The following TPR variants were observed in gnomAD, a reference collection of about 807,000 sequenced individuals.
TPR encodes the protein translocated promoter region, nuclear basket protein.
A neutral mutation model predicts 316.1 loss-of-function variants in TPR; 51 were observed. The ratio of observed to expected loss-of-function variants is 0.16; its 90% CI spans 0.13 to 0.20. The LOEUF (loss-of-function observed/expected upper bound fraction) is 0.20. Among genes scored for constraint, TPR ranks in the 10% least tolerant of loss-of-function variants. The pLI is 1.00. For synonymous variants in TPR, 981 were observed against 914.7 expected (o/e 1.07, Z -1.31); for missense variants, 2,272 against 2,754.8 (o/e 0.82, Z 3.92).
Position 186,364,363 on chromosome 1 carries a change from C to T in TPR, c.428-918G>A, listed in dbSNP as rs75960557. Among the ~76,000 whole-genome samples the T allele has an allele frequency of 7.4e-4, 112 of 151,356 alleles. 2 individuals are homozygous for T. The East Asian group carries it at 0.019, about 25-fold the overall frequency. On this transcript the variant is annotated intron_variant, in intron 4 of 50. Transcript: ENST00000367478. ...CCCACCATTTCAAGACAAATGAATC[C>T]AGTATATGGACCGTTGTTTAAAAAA...
At chr1:186,344,287 C>T (rs754460952) in intron 25 of TPR, 88 bp downstream of exon 25, 18 of 1,483,270 alleles carry the variant, frequency 1.2e-5, no homozygotes, top group East Asian at 6.8e-5. Flanking sequence ...GGTGACAGAG[C>T]GAGGCTCCAT....
chr1:186,312,910 A>C lies in TPR; in HGVS notation c.*1061T>G. 1 of 1,605,864 alleles carries C rather than the reference A, an allele frequency of 6.2e-7. No homozygotes were observed. On this transcript the variant is annotated 3_prime_UTR_variant, in exon 51 of 51. Transcript: ENST00000367478. Reference sequence around the variant, plus strand: ...TTTTCTAAAGGTAAGGTATTAACTAACAGTTTCCCAAGGAGGTGATATCAT... The same window carrying C: ...TTTTCTAAAGGTAAGGTATTAACTACCAGTTTCCCAAGGAGGTGATATCAT...
In TPR at chr1:186,312,575, G is replaced by A; in HGVS notation, c.*1396C>T. 2 of 774,468 alleles carry A rather than the reference G, an allele frequency of 2.6e-6. No homozygotes were observed. Among genetic ancestry groups the A allele is most frequent in the Non-Finnish European group, 4.1e-6 (2 of 491,596 alleles). The allele number at this position is 774,468 out of a possible 1,614,324, so 48.0% of individuals were successfully genotyped here. The stretch of plus-strand genomic sequence containing the variant: ...TCCTTGTGGGTAAGTAAAGCAGTTT[G>A]TTCAGGTTTGTTAGTTATAACCAAT... On this transcript the variant is annotated 3_prime_UTR_variant, in exon 51 of 51. Transcript: ENST00000367478.
chr1:186,359,176 T>A (rs546762640), intron 12 of TPR, among the ~76,000 whole-genome samples: 85 of 152,280 alleles, frequency 5.6e-4, no homozygotes, highest in Non-Finnish European at 1.1e-3. Flanking sequence ...TAAAACTTGT[T>A]CAAGAAATCT....
At chr1:186,347,168 A>G in intron 22 of TPR, 124 bp downstream of exon 22, 1 of 1,003,812 alleles carries the variant, frequency 1.0e-6, no homozygotes, top group East Asian at 2.5e-5. Flanking sequence ...GTACTTTCAC[A>G]AGGTTAAAGG....
Position 186,341,655 on chromosome 1 carries a change from T to A in TPR, c.3751-266A>T, listed in dbSNP as rs1443503453. On this transcript the variant is annotated intron_variant, in intron 27 of 50. Coordinates refer to ENST00000367478, the MANE Select transcript of TPR (RefSeq NM_003292.3). Reference sequence around the variant, plus strand: ...TATTAACATTAGGTAAAAACATTAATCCAAATCTCTATTTACCTTTCTGTA... The same window carrying A: ...TATTAACATTAGGTAAAAACATTAAACCAAATCTCTATTTACCTTTCTGTA... The A allele has an allele frequency of 1.0e-4, 35 of 349,164 alleles. No individual in the cohort carries two copies. The East Asian group carries it at 1.8e-3, about 18-fold the overall frequency. 21.6% of individuals were successfully genotyped at this position (349,164 alleles called of 1,614,324 possible). A position where few individuals can be genotyped will look rare whatever the true frequency, so the allele number is the denominator to read the frequency against.
chr1:186,348,867 C>G (rs957572014), intron 21 of TPR, among the ~76,000 whole-genome samples: 1 of 152,010 alleles, frequency 6.6e-6, no homozygotes, highest in African/African-American at 2.4e-5. Flanking sequence ...AGGCAGAAAA[C>G]TGTAAATTGG....
chr1:186,338,284 G>T (rs1335473816), intron 30 of TPR, 41 bp from the exon 31 acceptor site: 7 of 1,515,810 alleles, frequency 4.6e-6, no homozygotes, highest in South Asian at 1.2e-5. Flanking sequence ...AAATATATGA[G>T]ACATTTTTCA....
chr1:186,316,950 A>G (rs191925226), intron 49 of TPR, among the ~76,000 whole-genome samples: 122 of 152,396 alleles, frequency 8.0e-4, no homozygotes, highest in Non-Finnish European at 1.5e-3. Context: ...AAAAATTTGA[A>G]AAGCCAAACT....
intron 50 of TPR, chr1:186,314,281 A>G (rs1458492060): frequency 2.2e-6 from 1 of 448,466 alleles, no homozygotes; most frequent in Non-Finnish European, 3.9e-6. Context: ...CATAATCACA[A>G]AGCTTTATCG....
At chr1:186,314,330 A>G (rs1657511054) in intron 50 of TPR, 1 of 392,734 alleles carries the variant, frequency 2.5e-6, no homozygotes, top group Admixed American at 4.2e-5. Context: ...GGCAATAGGT[A>G]GAGATACAAC....
rs151293611 is a variant in TPR, at chr1:186,335,684, G to A, written c.4706-141C>T. 191 of 534,432 alleles carry A rather than the reference G, an allele frequency of 3.6e-4. No homozygotes were observed. In the African/African-American group the frequency reaches 3.6e-3, roughly 10 times the overall value. 33.1% of individuals were successfully genotyped at this position (534,432 alleles called of 1,614,324 possible). On this transcript the variant is annotated intron_variant, in intron 33 of 50. Transcript: ENST00000367478. Reference sequence around the variant, plus strand: ...GTTATGATACATCATACATCTCAATGAGCAAAGTTCTAAGTACATTCATGC... The same window carrying A: ...GTTATGATACATCATACATCTCAATAAGCAAAGTTCTAAGTACATTCATGC...
chr1:186,353,149 A>G lies in TPR; in HGVS notation c.2334+539T>C, dbSNP rs543597515. 7.8e-4 allele frequency among the ~76,000 whole-genome samples: 118 copies of G among 152,212 alleles called. 1 individual carries two copies. In the East Asian group the frequency reaches 0.016, roughly 21 times the overall value. Reference sequence around the variant, plus strand: ...GCACTTTGGGAGGCTAAGGCGGGCAAATCACGAGGTCAGTAGATCGAGACC... The same window carrying G: ...GCACTTTGGGAGGCTAAGGCGGGCAGATCACGAGGTCAGTAGATCGAGACC... On this transcript the variant is annotated intron_variant, in intron 18 of 50. Coordinates refer to ENST00000367478, the MANE Select transcript of TPR (RefSeq NM_003292.3).
chr1:186,315,213 A>AC (rs1168318731), intron 49 of TPR, among the ~76,000 whole-genome samples: 11 of 150,662 alleles, frequency 7.3e-5, no homozygotes, highest in East Asian at 1.9e-4. Context: ...TCTCAAAAAA[A>AC]AAACAAACAA....
At chr1:186,334,926 A>ACAGTTCTG (rs1326731796) in intron 35 of TPR, 142 bp downstream of exon 35, 3 of 789,998 alleles carry the variant, frequency 3.8e-6, no homozygotes, top group Non-Finnish European at 5.8e-6. Context: ...AATACATGAT[A>ACAGTTCTG]CAGTTCTGCA....
At chr1:186,349,382 T>G (rs368940750) in intron 21 of TPR, among the ~76,000 whole-genome samples, 2 of 152,096 alleles carry the variant, frequency 1.3e-5, no homozygotes, top group South Asian at 2.1e-4. Context: ...GGCTGGGCGC[T>G]GTGGCTTACG....
Position 186,318,749 on chromosome 1 carries a change from T to C in TPR, c.6648A>G (p.Leu2216=), listed in dbSNP as rs186021924. Residue 2216 remains leucine, a synonymous_variant, in exon 47 of 51, where the codon CTA becomes CTG. Transcript: ENST00000367478. ...GATCCCTACCTGGGGCTGCTACTTG[T>C]AGTGGAGTAGTGGGAACACTTCGGC... is the stretch of plus-strand genomic sequence containing the variant. ...SGGRSVPTTP[L]QVAAPVTVFT... is the part of the protein sequence containing the mutation. 32 of 1,614,214 alleles carry C rather than the reference T, an allele frequency of 2.0e-5. No homozygotes were observed. The East Asian group carries it at 6.9e-4, about 35-fold the overall frequency.
At chr1:186,346,403 T>C (rs562254879) in intron 22 of TPR, 116 bp from the exon 23 acceptor site, 10 of 1,083,264 alleles carry the variant, frequency 9.2e-6, no homozygotes, top group African/African-American at 6.4e-5. Context: ...TTGTTGTATA[T>C]TAAAAAAAGA....
At chr1:186,318,956 T>C (rs949080534) in intron 46 of TPR, 128 bp from the exon 47 acceptor site, 2 of 854,080 alleles carry the variant, frequency 2.3e-6, no homozygotes, top group Non-Finnish European at 3.6e-6. Context: ...GATTTAATTA[T>C]TCCATCAAGC....
Sources: allele counts gnomAD v4.1 joint callset (sites outside exome capture counted in the v4.1 genomes callset), GRCh38; gene constraint gnomAD v4.1.1; transcripts MANE v1.5; gene names NCBI Gene and HGNC (gene_info 2026-07-23, HGNC 2026-07-21).